PLD5: variants seen among roughly 807,000 people sequenced by gnomAD.
PLD5 encodes the protein inactive phospholipase D5.
A neutral mutation model predicts 61.1 loss-of-function variants in PLD5; 36 were observed. That is an observed-to-expected ratio of 0.59 (90% CI 0.45 to 0.78). The LOEUF is 0.78. PLD5 is among the 30% of genes least tolerant of loss of function. The probability of loss-of-function intolerance (pLI) is 0.00; values close to 1 mark genes in which losing one functional copy is unlikely to be tolerated. For synonymous variants in PLD5, 243 were observed against 242.8 expected, an observed-to-expected ratio of 1.00 and a Z score of -0.01; for missense variants, 515 against 644.4, an observed-to-expected ratio of 0.80 and a Z score of 2.17.
intron 1 of PLD5, among the ~76,000 whole-genome samples, chr1:242,414,186 T>A (rs1422080080): frequency 2.6e-5 from 4 of 152,154 alleles, no homozygotes; most frequent in Non-Finnish European, 5.9e-5. Flanking sequence ...TGATTAAGTA[T>A]GAGAAATAAA....
chr1:242,445,873 A>T lies in PLD5; in HGVS notation c.189+78215T>A, dbSNP rs72765036. On this transcript the variant is annotated intron_variant, in intron 1 of 9. Coordinates refer to ENST00000536534, the MANE Select transcript of PLD5 (RefSeq NM_001372062.1). ...GGGCAGGTGGATTTTCTTTCACATC[A>T]TCTCCTGCTTTATTTTCCATTTTCT... is the stretch of plus-strand genomic sequence containing the variant. Among the ~76,000 whole-genome samples, 721 of 148,366 alleles carry T rather than the reference A, an allele frequency of 4.9e-3. 2 individuals are homozygous for T. Among genetic ancestry groups the T allele is most frequent in the Non-Finnish European group, 8.0e-3 (538 of 67,372 alleles).
In PLD5 at chr1:242,425,332, G is replaced by C. The variant is rs572900718; in HGVS notation, c.190-77090C>G. 2.0e-5 allele frequency among the ~76,000 whole-genome samples: 3 copies of C among 152,246 alleles called. No homozygotes were observed. In the South Asian group the frequency reaches 6.2e-4, roughly 32 times the overall value. ...AACCTGTGTAGCATGTAACTGTCCT[G>C]AATACCGTAGGGAATTATAACACAA... On this transcript the variant is annotated intron_variant, in intron 1 of 9. Transcript: ENST00000536534.
chr1:242,429,858 G>A (rs996877748), intron 1 of PLD5, among the ~76,000 whole-genome samples: 9 of 152,282 alleles, frequency 5.9e-5, no homozygotes, highest in South Asian at 4.1e-4. Context: ...AATAAGAAAC[G>A]AAAATATCTA....
At chr1:242,097,449 G>A (rs1660335092) in intron 9 of PLD5, among the ~76,000 whole-genome samples, 2 of 152,154 alleles carry the variant, frequency 1.3e-5, no homozygotes, top group African/African-American at 4.8e-5. Flanking sequence ...ATTCTAACTG[G>A]GGTGAGATGG....
At position 242,229,683 on chromosome 1, in the gene PLD5, C is replaced by T. The variant is rs543378735; in HGVS notation, c.608-9568G>A. Reference sequence around the variant, plus strand: ...TATTTTTATTTTCATTTGTTTGCTGCGAGTGAAGAGAAATATAATTGACTT... The same window carrying T: ...TATTTTTATTTTCATTTGTTTGCTGTGAGTGAAGAGAAATATAATTGACTT... On this transcript the variant is annotated intron_variant, in intron 4 of 9. Transcript: ENST00000536534. Among the ~76,000 whole-genome samples, 14 of 152,062 alleles carry T rather than the reference C, an allele frequency of 9.2e-5. No individual in the cohort carries two copies. In the South Asian group the frequency reaches 1.2e-3, roughly 14 times the overall value.
At chr1:242,452,003 C>T (rs546540823) in intron 1 of PLD5, among the ~76,000 whole-genome samples, 15 of 152,178 alleles carry the variant, frequency 9.9e-5, no homozygotes, top group South Asian at 4.2e-4. Context: ...GTTGTCCCCA[C>T]GGGGGCTTCG....
At chr1:242,267,626 T>A (rs1673768384) in intron 3 of PLD5, among the ~76,000 whole-genome samples, 1 of 151,460 alleles carries the variant, frequency 6.6e-6, no homozygotes, top group South Asian at 2.1e-4. Context: ...ATCCTTGTAA[T>A]CCCAGTGCTT....
intron 1 of PLD5, among the ~76,000 whole-genome samples, chr1:242,518,423 A>G (rs1416261437): frequency 1.3e-5 from 2 of 152,140 alleles, no homozygotes; most frequent in Non-Finnish European, 2.9e-5. Context: ...CAGTTTAAGC[A>G]ACATTTCTGG....
chr1:242,128,836 C>G (rs914353880), intron 5 of PLD5, among the ~76,000 whole-genome samples: 3 of 152,030 alleles, frequency 2.0e-5, no homozygotes, highest in African/African-American at 7.3e-5. Context: ...TCTTCACTTC[C>G]TCCATCCGAA....
chr1:242,428,160 A>G lies in PLD5; in HGVS notation c.190-79918T>C, dbSNP rs182772595. ...TGTTAGGGAAAAGTAGGTATGCTGA[A>G]ACCTCCTCCAAGAAACAACTATTTT... On this transcript the variant is annotated intron_variant, in intron 1 of 9. Transcript: ENST00000536534. Among the ~76,000 whole-genome samples the G allele has an allele frequency of 1.7e-3, 265 of 152,340 alleles. 1 individual carries two copies. The highest frequency in any genetic ancestry group is 0.017 in the Middle Eastern group (5 of 294).
At chr1:242,115,638 T>A (rs1661885297) in intron 6 of PLD5, among the ~76,000 whole-genome samples, 1 of 142,618 alleles carries the variant, frequency 7.0e-6, no homozygotes, top group Non-Finnish European at 1.5e-5. Context: ...GGCATAAAAA[T>A]GTTTCAAACT....
intron 5 of PLD5, among the ~76,000 whole-genome samples, chr1:242,128,861 A>T (rs1663011569): frequency 6.6e-6 from 1 of 152,172 alleles, no homozygotes; most frequent in Admixed American, 6.5e-5. Context: ...GGTATATTTC[A>T]TAAGATTGCT....
At chr1:242,171,283 C>G (rs1169842427) in intron 5 of PLD5, among the ~76,000 whole-genome samples, 2 of 152,120 alleles carry the variant, frequency 1.3e-5, no homozygotes, top group African/African-American at 4.8e-5. Flanking sequence ...TCCAGCCAAA[C>G]AGAGCTTCAT....
At chr1:242,196,577 T>C (rs1297845690) in intron 5 of PLD5, among the ~76,000 whole-genome samples, 1 of 152,222 alleles carries the variant, frequency 6.6e-6, no homozygotes, top group Admixed American at 6.5e-5. Context: ...TGCATACACA[T>C]GTACATATAC....
intron 1 of PLD5, among the ~76,000 whole-genome samples, chr1:242,475,472 G>T (rs1306009510): frequency 6.6e-6 from 1 of 151,546 alleles, no homozygotes; most frequent in East Asian, 1.9e-4. Flanking sequence ...TCCACCTTGT[G>T]GGGAATGAAG....
intron 5 of PLD5, among the ~76,000 whole-genome samples, chr1:242,128,866 A>G (rs1213589287): frequency 6.6e-6 from 1 of 152,124 alleles, no homozygotes; most frequent in East Asian, 1.9e-4. Context: ...ATTTCATAAG[A>G]TTGCTGTGAA....
intron 5 of PLD5, among the ~76,000 whole-genome samples, chr1:242,178,928 T>C (rs886696704): frequency 2.0e-5 from 3 of 152,194 alleles, no homozygotes; most frequent in African/African-American, 7.2e-5. Context: ...CAGAGTCCTC[T>C]TCAACACTGC....
chr1:242,464,708 C>T (rs1667221382), intron 1 of PLD5, among the ~76,000 whole-genome samples: 1 of 152,188 alleles, frequency 6.6e-6, no homozygotes, highest in Admixed American at 6.5e-5. Flanking sequence ...CATACATTTT[C>T]ATCATCATAC....
chr1:242,214,282 A>T (rs12119610), intron 5 of PLD5, among the ~76,000 whole-genome samples: 48,422 of 151,944 alleles, frequency 0.32, 7,778 homozygotes, highest in South Asian at 0.43. Flanking sequence ...AGAACTGAGA[A>T]TGGGGCACTG....
Sources: gnomAD v4.1 joint callset for allele counts (sites outside exome capture counted in the v4.1 genomes callset) on GRCh38, gnomAD v4.1.1 for gene constraint, MANE v1.5 for transcripts, NCBI Gene and HGNC (gene_info 2026-07-23, HGNC 2026-07-21) for gene names.